NWD2: variants seen among roughly 807,000 people sequenced by gnomAD.
The protein encoded by NWD2 is NACHT and WD repeat domain containing 2.
Under a neutral mutation model 132.7 loss-of-function variants are expected in NWD2, and 37 were observed. The observed-to-expected ratio is 0.28, with a 90% CI of 0.21 to 0.37. The LOEUF (loss-of-function observed/expected upper bound fraction) is 0.37, where lower values mean the gene tolerates loss of function less well. NWD2 is among the 10% of genes least tolerant of loss of function. The pLI, the probability that NWD2 is intolerant of heterozygous loss-of-function variation, is 1.00. For synonymous variants in NWD2, 705 were observed against 803.0 expected, an observed-to-expected ratio of 0.88 and a Z score of 2.06; for missense variants, 1,592 against 2,122.4, an observed-to-expected ratio of 0.75 and a Z score of 4.91.
In NWD2 at chr4:37,444,593, C is replaced by G. The variant is rs1022643622; in HGVS notation, c.2605C>G (p.Gln869Glu). The G allele has an allele frequency of 2.6e-6, 4 of 1,551,836 alleles. No individual in the cohort carries two copies. Among genetic ancestry groups the G allele is most frequent in the Non-Finnish European group, 3.5e-6 (4 of 1,147,066 alleles). ...SWLYTMIKIG[Q>E]FDKVLSDIEL... ...GCTTTATACCATGATCAAAATTGGC[C>G]AGTTTGACAAAGTGCTTTCAGACAT... Residue 869 changes from glutamine to glutamate, a missense_variant, in exon 7 of 7, where the codon CAG becomes GAG. Around this residue, in one of 7 missense-constraint regions of NWD2, gnomAD observed 1,071 missense variants for 1,398.0 expected, o/e 0.77. Coordinates refer to ENST00000309447, the MANE Select transcript of NWD2 (RefSeq NM_001144990.2). This position sits in a 1 kb window ranked among gnomAD's most constrained non-coding sequence, Gnocchi z 4.8.
At chr4:37,325,043 A>G (rs1719142204) in intron 1 of NWD2, among the ~76,000 whole-genome samples, 1 of 152,186 alleles carries the variant, frequency 6.6e-6, no homozygotes, top group African/African-American at 2.4e-5. Flanking sequence ...TTTGAAAACT[A>G]TATTCATGTT....
At chr4:37,252,072 GGTTA>G (rs1237941691) in intron 1 of NWD2, among the ~76,000 whole-genome samples, 1 of 152,184 alleles carries the variant, frequency 6.6e-6, no homozygotes, top group African/African-American at 2.4e-5. Context: ...CAGAATGAGG[GGTTA>G]GTTTGGCTTT....
chr4:37,270,572 G>T (rs1395009419), intron 1 of NWD2, among the ~76,000 whole-genome samples: 1 of 151,618 alleles, frequency 6.6e-6, no homozygotes, highest in Non-Finnish European at 1.5e-5. Context: ...GAAACATCCA[G>T]ATATTCACGT....
At chr4:37,263,727 G>T (rs1473277882) in intron 1 of NWD2, among the ~76,000 whole-genome samples, 2 of 152,060 alleles carry the variant, frequency 1.3e-5, no homozygotes, top group South Asian at 4.1e-4. Flanking sequence ...AGGGAGGGGA[G>T]GAGAAGAATA....
intron 1 of NWD2, among the ~76,000 whole-genome samples, chr4:37,279,883 G>C (rs949562083): frequency 6.6e-6 from 1 of 152,166 alleles, no homozygotes; most frequent in Non-Finnish European, 1.5e-5. Context: ...AGAATGAATA[G>C]AGAAGCCTTC....
At chr4:37,430,492 A>G in intron 3 of NWD2, 80 bp from the exon 4 acceptor site, 1 of 975,568 alleles carries the variant, frequency 1.0e-6, no homozygotes, top group Non-Finnish European at 1.6e-6. Flanking sequence ...ATTAATATTT[A>G]TTCAGTGACC....
intron 1 of NWD2, among the ~76,000 whole-genome samples, chr4:37,259,622 C>T (rs1026225782): frequency 6.6e-6 from 1 of 152,174 alleles, no homozygotes; most frequent in Non-Finnish European, 1.5e-5. Flanking sequence ...ATACCAACCA[C>T]TTTATGCCTG....
chr4:37,246,556 T>A (rs1482009053), intron 1 of NWD2, among the ~76,000 whole-genome samples: 1 of 152,170 alleles, frequency 6.6e-6, no homozygotes, highest in Admixed American at 6.5e-5. Flanking sequence ...ATCTCAAAGA[T>A]GTCGTCTAGG....
chr4:37,382,891 A>G (rs1285307332), intron 3 of NWD2, among the ~76,000 whole-genome samples: 4 of 151,676 alleles, frequency 2.6e-5, no homozygotes, highest in Non-Finnish European at 4.4e-5. Flanking sequence ...ATGGGGTTTC[A>G]CCATGTTGCC....
chr4:37,387,786 C>T (rs1472989823), intron 3 of NWD2, among the ~76,000 whole-genome samples: 4 of 151,252 alleles, frequency 2.6e-5, no homozygotes, highest in South Asian at 4.2e-4. Context: ...GCGATTCTCC[C>T]GCCTCAGCCT....
At chr4:37,440,649 G>A (rs12499846) in intron 6 of NWD2, among the ~76,000 whole-genome samples, 26,285 of 152,148 alleles carry the variant, frequency 0.17, 2,527 homozygotes, top group South Asian at 0.26. Context: ...ATTTTTCCCT[G>A]CCTCTCCAGT....
At chr4:37,371,125 T>G (rs1273765958) in intron 3 of NWD2, among the ~76,000 whole-genome samples, 1 of 135,284 alleles carries the variant, frequency 7.4e-6, no homozygotes, top group Non-Finnish European at 1.5e-5. Context: ...TCGCCCAGGC[T>G]GGAGGGCAGT....
At chr4:37,326,635 A>G (rs763653767) in intron 2 of NWD2, among the ~76,000 whole-genome samples, 1 of 152,198 alleles carries the variant, frequency 6.6e-6, no homozygotes. Context: ...GCTTGAAAAC[A>G]TTGCATGTAT....
intron 6 of NWD2, among the ~76,000 whole-genome samples, chr4:37,442,056 T>G (rs900142301): frequency 2.6e-5 from 4 of 152,192 alleles, no homozygotes; most frequent in Non-Finnish European, 4.4e-5. Flanking sequence ...TTCCTTGAAA[T>G]CAGCTTCAAA....
chr4:37,324,605 A>G (rs1281099200), intron 1 of NWD2, among the ~76,000 whole-genome samples: 1 of 152,226 alleles, frequency 6.6e-6, no homozygotes, highest in Non-Finnish European at 1.5e-5. Flanking sequence ...CCCCGCTTTC[A>G]TGTACAGCTC....
At chr4:37,252,712 T>C (rs1167663792) in intron 1 of NWD2, among the ~76,000 whole-genome samples, 1 of 152,188 alleles carries the variant, frequency 6.6e-6, no homozygotes, top group Non-Finnish European at 1.5e-5. Context: ...TCCATGAGGG[T>C]ATTCTCTCCA....
At chr4:37,436,382 G>A (rs1195082366) in intron 5 of NWD2, among the ~76,000 whole-genome samples, 1 of 152,118 alleles carries the variant, frequency 6.6e-6, no homozygotes, top group African/African-American at 2.4e-5. Context: ...CTGTAGAGTT[G>A]CCTTTGTATC....
At chr4:37,335,357 T>C (rs1295987607) in intron 2 of NWD2, among the ~76,000 whole-genome samples, 4 of 150,522 alleles carry the variant, frequency 2.7e-5, no homozygotes, top group Non-Finnish European at 5.9e-5. Context: ...TTCCTCCTAA[T>C]TCATTAAAAT....
chr4:37,355,098 C>CT (rs1187526136), intron 2 of NWD2, among the ~76,000 whole-genome samples: 1 of 152,160 alleles, frequency 6.6e-6, no homozygotes, highest in African/African-American at 2.4e-5. Flanking sequence ...CTACTGAGCA[C>CT]TTGAGGAACT....
Sources: allele counts gnomAD v4.1 joint callset (sites outside exome capture counted in the v4.1 genomes callset), GRCh38; gene constraint gnomAD v4.1.1; regional missense constraint gnomAD v4.1.1; non-coding constraint Gnocchi (gnomAD v3.1); transcripts MANE v1.5; gene names NCBI Gene and HGNC (gene_info 2026-07-23, HGNC 2026-07-21).